Variants in ASAP1 observed in about 807,000 individuals in gnomAD.
The protein encoded by ASAP1 is arf-GAP with SH3 domain, ANK repeat and PH domain-containing protein 1.
Under a neutral mutation model 145.2 loss-of-function variants are expected in ASAP1, and 43 were observed. The observed-to-expected ratio is 0.30, with a 90% CI of 0.23 to 0.38. The LOEUF is 0.38. Among genes scored for constraint, ASAP1 ranks in the 10% least tolerant of loss-of-function variants. ASAP1 has a pLI of 1.00. For missense variants in ASAP1, 1,018 were observed against 1,355.3 expected (o/e 0.75, Z 3.91); for synonymous variants, 546 against 515.5 (o/e 1.06, Z -0.80).
chr8:130,178,196 G>C (rs186042284), intron 9 of ASAP1, among the ~76,000 whole-genome samples: 1 of 152,140 alleles, frequency 6.6e-6, no homozygotes, highest in Non-Finnish European at 1.5e-5. Context: ...TAGTCCAAAC[G>C]ACCTTTACAT....
intron 2 of ASAP1, among the ~76,000 whole-genome samples, chr8:130,359,560 A>T (rs548943230): frequency 4.6e-4 from 70 of 151,620 alleles, no homozygotes; most frequent in Admixed American, 1.9e-3. Context: ...CCTCTGCGAC[A>T]CACACCCACC....
chr8:130,075,857 T>C (rs2097461194), intron 27 of ASAP1, among the ~76,000 whole-genome samples: 1 of 152,210 alleles, frequency 6.6e-6, no homozygotes, highest in South Asian at 2.1e-4. Context: ...ACAGATGCCA[T>C]CCTAGGGAAG....
intron 11 of ASAP1, among the ~76,000 whole-genome samples, chr8:130,167,253 G>A (rs1488660925): frequency 6.6e-6 from 1 of 151,788 alleles, no homozygotes; most frequent in East Asian, 1.9e-4. Flanking sequence ...AAGTGTGCCT[G>A]CCGCCTCACT....
At chr8:130,175,932 A>C (rs1009564131) in intron 9 of ASAP1, among the ~76,000 whole-genome samples, 2 of 152,222 alleles carry the variant, frequency 1.3e-5, no homozygotes, top group African/African-American at 4.8e-5. Flanking sequence ...ATAATAAAGC[A>C]ATGTTTATAA....
chr8:130,181,235 A>G (rs1160577684), intron 7 of ASAP1, among the ~76,000 whole-genome samples: 2 of 152,240 alleles, frequency 1.3e-5, no homozygotes, highest in African/African-American at 4.8e-5. Flanking sequence ...AAAGCCTACA[A>G]TCAAACAGAA....
Position 130,118,239 on chromosome 8 carries a change from C to T in ASAP1, c.1802G>A (p.Gly601Glu). The T allele has an allele frequency of 6.2e-7, 1 of 1,613,674 alleles. No individual in the cohort carries two copies. Among genetic ancestry groups the T allele is most frequent in the East Asian group, 2.2e-5 (1 of 44,866 alleles). The change falls in exon 20 of 30, where the codon GGG (glycine) becomes GAG (glutamate). Residue 601 changes from glycine (G) to glutamate (E), a missense_variant. Transcript: ENST00000518721. ...EPLLEPGQEL[G>E]ETALHLAVRT... ...GACGGCAAGGTGAAGGGCTGTCTCC[C>T]CAAGCTCCTAAAAAGGGAAAGAAAA...
At chr8:130,168,754 C>G (rs970587496) in intron 10 of ASAP1, among the ~76,000 whole-genome samples, 3 of 152,196 alleles carry the variant, frequency 2.0e-5, no homozygotes, top group African/African-American at 7.2e-5. Flanking sequence ...GCAGAACCAT[C>G]TGGAACTGAT....
chr8:130,161,356 C>T (rs1176393581), intron 11 of ASAP1, among the ~76,000 whole-genome samples: 1 of 152,192 alleles, frequency 6.6e-6, no homozygotes, highest in African/African-American at 2.4e-5. Flanking sequence ...CTTTCTGACA[C>T]TCAGGATCCT....
At chr8:130,385,940 G>C (rs1352631762) in intron 2 of ASAP1, among the ~76,000 whole-genome samples, 1 of 152,202 alleles carries the variant, frequency 6.6e-6, no homozygotes, top group African/African-American at 2.4e-5. Flanking sequence ...GTCTGGGAAT[G>C]ATCAGGTGAC....
At chr8:130,328,509 T>G (rs1055996754) in intron 3 of ASAP1, among the ~76,000 whole-genome samples, 1 of 152,142 alleles carries the variant, frequency 6.6e-6, no homozygotes, top group Non-Finnish European at 1.5e-5. Flanking sequence ...ACACAACACC[T>G]TGGCCACACA....
intron 3 of ASAP1, among the ~76,000 whole-genome samples, chr8:130,241,202 A>T (rs759290460): frequency 2.0e-5 from 3 of 152,048 alleles, no homozygotes; most frequent in Non-Finnish European, 2.9e-5. Flanking sequence ...TTCTTACACA[A>T]GCCTCGGATT....
At chr8:130,233,331 T>C (rs927244792) in intron 4 of ASAP1, among the ~76,000 whole-genome samples, 40 of 152,182 alleles carry the variant, frequency 2.6e-4, no homozygotes, top group East Asian at 1.9e-4. Flanking sequence ...AGCCAACATG[T>C]AGCGATTCAC....
At chr8:130,107,437 A>C (rs1351542657) in intron 24 of ASAP1, among the ~76,000 whole-genome samples, 2 of 150,664 alleles carry the variant, frequency 1.3e-5, no homozygotes, top group East Asian at 3.9e-4. Context: ...CGCCCGCCTC[A>C]GCCTCCCAAA....
At chr8:130,110,326 T>C (rs1464031030) in intron 24 of ASAP1, among the ~76,000 whole-genome samples, 4 of 152,206 alleles carry the variant, frequency 2.6e-5, no homozygotes, top group African/African-American at 7.2e-5. Context: ...CCTGTCTAGA[T>C]AGGTCCCCAC....
chr8:130,269,699 T>C (rs957920827), intron 3 of ASAP1, among the ~76,000 whole-genome samples: 12 of 152,118 alleles, frequency 7.9e-5, no homozygotes, highest in African/African-American at 2.4e-4. Context: ...CCTGGGAAAG[T>C]TGAAAGGTAC....
intron 15 of ASAP1, among the ~76,000 whole-genome samples, chr8:130,133,202 C>A (rs1286425696): frequency 4.6e-5 from 7 of 152,048 alleles, no homozygotes; most frequent in Non-Finnish European, 1.0e-4. Context: ...CATCCCTCTC[C>A]CAAGCAGCTG....
chr8:130,134,612 CT>C (rs1469355614), intron 14 of ASAP1, among the ~76,000 whole-genome samples: 2 of 152,130 alleles, frequency 1.3e-5, no homozygotes, highest in African/African-American at 2.4e-5. Flanking sequence ...AATAAAACAG[CT>C]ACATGATTCA....
At chr8:130,357,988 T>C (rs1047485848) in intron 3 of ASAP1, 29 bp downstream of exon 3, 1 of 1,588,432 alleles carries the variant, frequency 6.3e-7, no homozygotes, top group African/African-American at 1.3e-5. Flanking sequence ...GCGGCGAGCG[T>C]GGACGGCGGG....
intron 15 of ASAP1, among the ~76,000 whole-genome samples, chr8:130,130,563 T>C (rs1032793119): frequency 5.3e-5 from 8 of 152,230 alleles, no homozygotes; most frequent in Non-Finnish European, 1.2e-4. Context: ...GTAACAAGCA[T>C]ACTCAAAAGC....
Sources: allele counts gnomAD v4.1 joint callset (sites outside exome capture counted in the v4.1 genomes callset), GRCh38; gene constraint gnomAD v4.1.1; transcripts MANE v1.5; gene names NCBI Gene and HGNC (gene_info 2026-07-23, HGNC 2026-07-21).